ARHGAP39: variants seen among roughly 807,000 people sequenced by gnomAD.
ARHGAP39 encodes the protein rho GTPase-activating protein 39.
In ARHGAP39, 44 loss-of-function variants were observed where a neutral mutation model predicts 106.9. The observed-to-expected ratio is 0.41, with a 90% CI of 0.32 to 0.53. The LOEUF (loss-of-function observed/expected upper bound fraction) is 0.53, where lower values mean the gene tolerates loss of function less well. Ranked by LOEUF, ARHGAP39 falls within the 20% of genes least tolerant of loss-of-function variation. The pLI, the probability that ARHGAP39 is intolerant of heterozygous loss-of-function variation, is 0.21. For synonymous variants in ARHGAP39, 768 were observed against 693.2 expected, an observed-to-expected ratio of 1.11 and a Z score of -1.69; for missense variants, 1,496 against 1,577.3, an observed-to-expected ratio of 0.95 and a Z score of 0.87.
chr8:144,655,311 G>A (rs1027571157), intron 1 of ARHGAP39, among the ~76,000 whole-genome samples: 6 of 152,120 alleles, frequency 3.9e-5, no homozygotes, highest in African/African-American at 1.4e-4. Context: ...AAAGCCCCGG[G>A]ATCAGCCAGA....
rs1424671294 is a variant in ARHGAP39 at position 144,646,214 on chromosome 8, C to G, written c.-82+39472G>C. Among the ~76,000 whole-genome samples the G allele has an allele frequency of 1.3e-5, 2 of 152,178 alleles. No individual in the cohort carries two copies. Among genetic ancestry groups the G allele is most frequent in the Non-Finnish European group, 2.9e-5 (2 of 68,034 alleles). On this transcript the variant is annotated intron_variant, in intron 1 of 11. Transcript: ENST00000377307. This position sits in a 1 kb window ranked among gnomAD's most constrained non-coding sequence, Gnocchi z 5.7. Reference sequence around the variant, plus strand: ...GGATGTTCTCTCTGTGCAGACAGGGCAACAACCGCAAACGTGTTCAACAGG... The same window carrying G: ...GGATGTTCTCTCTGTGCAGACAGGGGAACAACCGCAAACGTGTTCAACAGG...
At chr8:144,589,042 C>T (rs1338747573) in intron 2 of ARHGAP39, among the ~76,000 whole-genome samples, 4 of 152,164 alleles carry the variant, frequency 2.6e-5, no homozygotes, top group South Asian at 2.1e-4. Context: ...CAAACCCAAG[C>T]GTCTGCATAA....
At chr8:144,654,794 G>C (rs1047670852) in intron 1 of ARHGAP39, among the ~76,000 whole-genome samples, 48 of 152,142 alleles carry the variant, frequency 3.2e-4, no homozygotes, top group African/African-American at 1.1e-3. Flanking sequence ...CCCAAGTTGT[G>C]GCTGCAGATC....
chr8:144,612,179 C>T (rs1418201955), intron 1 of ARHGAP39, among the ~76,000 whole-genome samples: 3 of 141,998 alleles, frequency 2.1e-5, no homozygotes, highest in South Asian at 2.5e-4. Flanking sequence ...AGGTGAGCCA[C>T]GGCTGCGCCG....
chr8:144,563,683 C>A (rs1049399337), intron 3 of ARHGAP39, among the ~76,000 whole-genome samples: 1 of 151,904 alleles, frequency 6.6e-6, no homozygotes, highest in African/African-American at 2.4e-5. Flanking sequence ...TGCCTATAGT[C>A]CTAGCTGCTC....
chr8:144,673,004 C>T (rs1472334312), intron 1 of ARHGAP39, among the ~76,000 whole-genome samples: 1 of 152,108 alleles, frequency 6.6e-6, no homozygotes, highest in Non-Finnish European at 1.5e-5. Flanking sequence ...ATCACTTGAG[C>T]CCAAGAGTTC....
upstream of ARHGAP39, among the ~76,000 whole-genome samples, chr8:144,687,809 C>T (rs2956180): frequency 1.4e-4 from 18 of 125,668 alleles, no homozygotes; most frequent in South Asian, 2.8e-4. Flanking sequence ...TGACCACACA[C>T]TGGCGGTGAG....
chr8:144,616,039 C>T (rs188180805), intron 1 of ARHGAP39, among the ~76,000 whole-genome samples: 1 of 152,342 alleles, frequency 6.6e-6, no homozygotes, highest in Non-Finnish European at 1.5e-5. Context: ...TCAGGCACAC[C>T]CCACACGGAA....
In ARHGAP39 at chr8:144,548,517, G is replaced by T; in HGVS notation, c.597-28C>A. ...GCGTGGGGGGTGGACGGGCACAGGT[G>T]ACTGCCTGCCTGCTGCTTCTGGGCA... On this transcript the variant is annotated intron_variant, in intron 4 of 11. Coordinates refer to ENST00000377307, the MANE Select transcript of ARHGAP39 (RefSeq NM_025251.3). The surrounding 1 kb of genome is among the most constrained non-coding windows in gnomAD (Gnocchi z 7.4). 6.3e-7 allele frequency: 1 copy of T among 1,596,528 alleles called. No homozygotes were observed.
At chr8:144,543,893 T>C (rs1309764968) in intron 6 of ARHGAP39, 1 of 152,250 alleles carries the variant, frequency 6.6e-6, no homozygotes, top group Non-Finnish European at 1.5e-5. Context: ...GGGTACCCAC[T>C]GTGGGCTGCA....
chr8:144,571,887 T>C (rs1200762567), intron 3 of ARHGAP39, among the ~76,000 whole-genome samples: 2 of 152,120 alleles, frequency 1.3e-5, no homozygotes, highest in African/African-American at 2.4e-5. Flanking sequence ...TCACAATTAC[T>C]ACAAAGAGAA....
chr8:144,537,617 C>G, intron 7 of ARHGAP39, 104 bp downstream of exon 7: 8 of 709,824 alleles, frequency 1.1e-5, no homozygotes, highest in East Asian at 6.2e-5. Flanking sequence ...GTGGCCCCAT[C>G]CCCCCCGCCC....
rs1408993938 is a variant in ARHGAP39, at chr8:144,685,681, C to G, written c.-82+5G>C. Among the ~76,000 whole-genome samples, 1 of 148,104 alleles carries G rather than the reference C, an allele frequency of 6.8e-6. No homozygotes were observed. Among genetic ancestry groups the G allele is most frequent in the East Asian group, 2.0e-4 (1 of 5,118 alleles). ...CCGCCCACCGCCCGTTGCCCGCGCT[C>G]TCACCGGCCGGCTGCGCGCGGGCCG... On this transcript the variant is annotated splice_donor_5th_base_variant and intron_variant, in intron 1 of 11. Coordinates refer to ENST00000377307, the MANE Select transcript of ARHGAP39 (RefSeq NM_025251.3).
intron 4 of ARHGAP39, among the ~76,000 whole-genome samples, chr8:144,550,635 C>T (rs566211565): frequency 2.6e-4 from 39 of 152,368 alleles, no homozygotes; most frequent in Non-Finnish European, 4.9e-4. Flanking sequence ...CCTCTCAGCA[C>T]GGCCACACCA....
At chr8:144,580,640 T>C (rs912114430) in intron 3 of ARHGAP39, among the ~76,000 whole-genome samples, 1 of 137,054 alleles carries the variant, frequency 7.3e-6, no homozygotes, top group East Asian at 2.2e-4. Flanking sequence ...CCCACCACCG[T>C]CACCAGTCCC....
At chr8:144,601,941 G>A (rs1226418016) in intron 2 of ARHGAP39, among the ~76,000 whole-genome samples, 47 of 145,874 alleles carry the variant, frequency 3.2e-4, no homozygotes, top group Non-Finnish European at 4.3e-4. Context: ...GGAGGCGTGC[G>A]TGCGAGCTCG....
At chr8:144,581,313 G>A (rs767254918) in intron 2 of ARHGAP39, 36 bp from the exon 3 acceptor site, 34 of 1,507,612 alleles carry the variant, frequency 2.3e-5, no homozygotes, top group African/African-American at 2.8e-5. Context: ...CTGGAGCCAC[G>A]GCGGCCTGGG....
At chr8:144,630,005 T>C (rs1289897570) in intron 1 of ARHGAP39, among the ~76,000 whole-genome samples, 2 of 152,108 alleles carry the variant, frequency 1.3e-5, no homozygotes, top group Non-Finnish European at 2.9e-5. Flanking sequence ...GGCAACTTCT[T>C]ACTGAGAGAC....
intron 1 of ARHGAP39, among the ~76,000 whole-genome samples, chr8:144,660,148 G>A (rs1303147609): frequency 6.6e-6 from 1 of 152,078 alleles, no homozygotes; most frequent in Non-Finnish European, 1.5e-5. Flanking sequence ...GAATGCTCCC[G>A]TGTCTCCTCC....
Sources: allele counts gnomAD v4.1 joint callset (sites outside exome capture counted in the v4.1 genomes callset), GRCh38; gene constraint gnomAD v4.1.1; non-coding constraint Gnocchi (gnomAD v3.1); transcripts MANE v1.5; gene names NCBI Gene and HGNC (gene_info 2026-07-23, HGNC 2026-07-21).